The following TAOK3 variants were observed in gnomAD, a reference collection of about 807,000 sequenced individuals.
TAOK3 encodes serine/threonine-protein kinase TAO3.
Under a neutral mutation model 120.4 loss-of-function variants are expected in TAOK3, and 40 were observed. The observed-to-expected ratio is 0.33, with a 90% CI of 0.26 to 0.43. The LOEUF (loss-of-function observed/expected upper bound fraction) is 0.43. TAOK3 is among the 20% of genes least tolerant of loss of function. TAOK3 has a pLI of 1.00. For missense variants in TAOK3, 821 were observed against 1,112.1 expected, an observed-to-expected ratio of 0.74 and a Z score of 3.72; for synonymous variants, 355 against 387.5, an observed-to-expected ratio of 0.92 and a Z score of 0.99.
chr12:118,291,990 T>C (rs1390020782), intron 1 of TAOK3, among the ~76,000 whole-genome samples: 1 of 152,074 alleles, frequency 6.6e-6, no homozygotes, highest in Non-Finnish European at 1.5e-5. Context: ...ATTTTTTGTA[T>C]TTTTAGTGAA....
At chr12:118,300,590 C>A (rs2042843269) in intron 1 of TAOK3, among the ~76,000 whole-genome samples, 1 of 151,902 alleles carries the variant, frequency 6.6e-6, no homozygotes, top group African/African-American at 2.4e-5. Context: ...CACGCACACA[C>A]ACTCACACAC....
In TAOK3 at chr12:118,160,576, A is replaced by C. The variant is rs954091720; in HGVS notation, c.2140-218T>G. On this transcript the variant is annotated intron_variant, in intron 18 of 20. Transcript: ENST00000392533. The surrounding 1 kb of genome is among the most constrained non-coding windows in gnomAD (Gnocchi z 4.2). Reference sequence around the variant, plus strand: ...TATTGAATGACTATAAGTAATTTTGAATTTACAAATGGGGTCAAAGAAAAT... The same window carrying C: ...TATTGAATGACTATAAGTAATTTTGCATTTACAAATGGGGTCAAAGAAAAT... 6.6e-6 allele frequency among the ~76,000 whole-genome samples: 1 copy of C among 152,190 alleles called. No homozygotes were observed. Among genetic ancestry groups the C allele is most frequent in the Non-Finnish European group, 1.5e-5 (1 of 68,040 alleles).
At chr12:118,158,856 C>T (rs763307574) in intron 19 of TAOK3, among the ~76,000 whole-genome samples, 2 of 152,230 alleles carry the variant, frequency 1.3e-5, no homozygotes, top group African/African-American at 2.4e-5. Flanking sequence ...AACAAGCATC[C>T]TATACTCTTG....
chr12:118,215,405 G>A (rs924671237), intron 9 of TAOK3, among the ~76,000 whole-genome samples: 2 of 150,794 alleles, frequency 1.3e-5, no homozygotes, highest in African/African-American at 2.4e-5. Flanking sequence ...CCAGCTACTC[G>A]GGAGGCTGAG....
chr12:118,266,572 C>T (rs1249909474), intron 2 of TAOK3, 83 bp downstream of exon 2: 1 of 395,536 alleles, frequency 2.5e-6, no homozygotes, highest in Non-Finnish European at 4.5e-6. Context: ...ATTTTTCTTT[C>T]AAAGATAAAA....
chr12:118,179,203 G>A (rs1216144237), intron 15 of TAOK3, among the ~76,000 whole-genome samples: 3 of 152,194 alleles, frequency 2.0e-5, no homozygotes, highest in Non-Finnish European at 4.4e-5. Context: ...GAGACAGAGA[G>A]AGACAGAGAG....
At chr12:118,252,928 G>A (rs939184369) in intron 3 of TAOK3, among the ~76,000 whole-genome samples, 5 of 152,070 alleles carry the variant, frequency 3.3e-5, no homozygotes, top group East Asian at 1.9e-4. Flanking sequence ...GGGTTTCTCC[G>A]TGTTAGCCAG....
chr12:118,186,037 T>G (rs1212120692), intron 14 of TAOK3, among the ~76,000 whole-genome samples: 1 of 152,222 alleles, frequency 6.6e-6, no homozygotes, highest in Admixed American at 6.5e-5. Context: ...TATTTTTAGG[T>G]ATCAAATTCA....
At chr12:118,311,996 G>T (rs767202613) in intron 1 of TAOK3, among the ~76,000 whole-genome samples, 1 of 152,168 alleles carries the variant, frequency 6.6e-6, no homozygotes, top group African/African-American at 2.4e-5. Flanking sequence ...TGGAGACGTG[G>T]TAAGGGACAT....
At chr12:118,176,819 T>C (rs1453952507) in intron 16 of TAOK3, among the ~76,000 whole-genome samples, 1 of 151,958 alleles carries the variant, frequency 6.6e-6, no homozygotes, top group Non-Finnish European at 1.5e-5. Flanking sequence ...CAGACTGGAG[T>C]GCAGTGGTGC....
intron 1 of TAOK3, among the ~76,000 whole-genome samples, chr12:118,360,899 T>C (rs1036131968): frequency 4.6e-5 from 7 of 152,236 alleles, no homozygotes; most frequent in Non-Finnish European, 1.0e-4. Context: ...GTGTTCTTTA[T>C]GTTTTAATTG....
intron 1 of TAOK3, among the ~76,000 whole-genome samples, chr12:118,328,645 C>A (rs1422109850): frequency 6.6e-6 from 1 of 152,062 alleles, no homozygotes; most frequent in Non-Finnish European, 1.5e-5. Context: ...GTAATGGTAA[C>A]ATTTTATGCT....
intron 1 of TAOK3, among the ~76,000 whole-genome samples, chr12:118,341,398 C>A (rs890821160): frequency 2.9e-5 from 4 of 138,212 alleles, no homozygotes; most frequent in South Asian, 2.3e-4. Context: ...CCATAAATTT[C>A]TTTTATTCCA....
At chr12:118,332,346 T>C (rs1360956103) in intron 1 of TAOK3, among the ~76,000 whole-genome samples, 1 of 152,174 alleles carries the variant, frequency 6.6e-6, no homozygotes, top group Non-Finnish European at 1.5e-5. Flanking sequence ...TATAAAGCTA[T>C]CTTTTCTCAG....
At chr12:118,331,177 T>C (rs1011813309) in intron 1 of TAOK3, among the ~76,000 whole-genome samples, 7 of 152,164 alleles carry the variant, frequency 4.6e-5, no homozygotes, top group Admixed American at 2.0e-4. Flanking sequence ...AGGTCTGTAA[T>C]ACTTAACCTT....
intron 1 of TAOK3, among the ~76,000 whole-genome samples, chr12:118,285,960 G>C (rs764617198): frequency 5.3e-5 from 8 of 152,168 alleles, no homozygotes; most frequent in Non-Finnish European, 1.2e-4. Context: ...CAGGTCACAG[G>C]TAGGTAAGAG....
In TAOK3 at chr12:118,161,376, G is replaced by T. The variant is rs961693232; in HGVS notation, c.2139+412C>A. On this transcript the variant is annotated intron_variant, in intron 18 of 20. Transcript: ENST00000392533. This position sits in a 1 kb window ranked among gnomAD's most constrained non-coding sequence, Gnocchi z 4.5. ...ACCATGACAGACATCACTAATAAAT[G>T]ACACTCTTTCCTCCTAAGCTTGGAT... Among the ~76,000 whole-genome samples the T allele has an allele frequency of 1.3e-5, 2 of 151,898 alleles. No individual in the cohort carries two copies. Among genetic ancestry groups the T allele is most frequent in the Admixed American group, 6.6e-5 (1 of 15,246 alleles).
chr12:118,246,248 C>T lies in TAOK3; in HGVS notation c.121-1283G>A, dbSNP rs1593285363. On this transcript the variant is annotated intron_variant, in intron 3 of 20. Transcript: ENST00000392533. ...GCCGCGGAGCTCGCGGAGGCAAGGC[C>T]GAGGATAAGGAGTGGATGCCCGTCA... is the stretch of plus-strand genomic sequence containing the variant. 8.1e-6 allele frequency: 12 copies of T among 1,481,034 alleles called. No individual in the cohort carries two copies. In the East Asian group the frequency reaches 2.7e-4, roughly 34 times the overall value. The allele number at this position is 1,481,034 out of a possible 1,614,324, so 91.7% of individuals were successfully genotyped here.
At chr12:118,347,705 C>T (rs1277517724) in intron 1 of TAOK3, among the ~76,000 whole-genome samples, 4 of 152,208 alleles carry the variant, frequency 2.6e-5, no homozygotes, top group Non-Finnish European at 5.9e-5. Context: ...AGCTTCCCCT[C>T]TCTACCCTGC....
Sources: allele counts gnomAD v4.1 joint callset (sites outside exome capture counted in the v4.1 genomes callset), GRCh38; gene constraint gnomAD v4.1.1; non-coding constraint Gnocchi (gnomAD v3.1); transcripts MANE v1.5; gene names NCBI Gene and HGNC (gene_info 2026-07-23, HGNC 2026-07-21).